Variants in PDCD10 observed in about 807,000 individuals in gnomAD.
PDCD10 encodes the protein programmed cell death 10.
In PDCD10, 4 loss-of-function variants were observed where a neutral mutation model predicts 29.2. The observed-to-expected ratio is 0.14, with a 90% confidence interval of 0.07 to 0.31. The LOEUF is 0.31. Ranked by LOEUF, PDCD10 falls within the 10% of genes least tolerant of loss-of-function variation. The probability of loss-of-function intolerance (pLI) is 1.00; values close to 1 mark genes in which losing one functional copy is unlikely to be tolerated. For synonymous variants in PDCD10, 70 were observed against 82.2 expected (o/e 0.85, Z 0.80); for missense variants, 183 against 257.9 (o/e 0.71, Z 1.99).
chr3:167,687,856 G>T (rs940513596), intron 6 of PDCD10, among the ~76,000 whole-genome samples, 163 bp from the exon 7 acceptor site: 1 of 152,040 alleles, frequency 6.6e-6, no homozygotes, highest in Admixed American at 6.6e-5. Flanking sequence ...CAGCCTTTTC[G>T]GCTAGCTGGT....
chr3:167,721,433 C>A (rs766050542), intron 2 of PDCD10, among the ~76,000 whole-genome samples: 1 of 152,042 alleles, frequency 6.6e-6, no homozygotes, highest in African/African-American at 2.4e-5. Context: ...AGAAAAGTAC[C>A]CAGAATTTAT....
chr3:167,712,408 T>C (rs1722609242), intron 3 of PDCD10, among the ~76,000 whole-genome samples: 1 of 151,976 alleles, frequency 6.6e-6, no homozygotes, highest in Non-Finnish European at 1.5e-5. Context: ...TTTGAAATAA[T>C]AGGTAATAAG....
chr3:167,683,377 C>T lies in PDCD10; in HGVS notation c.*931G>A, dbSNP rs929171986. 4 of 151,850 alleles carry T rather than the reference C, an allele frequency of 2.6e-5. No homozygotes were observed. The highest frequency in any genetic ancestry group is 5.9e-5 in the Non-Finnish European group (4 of 67,874). 9.4% of individuals were successfully genotyped at this position (151,850 alleles called of 1,614,324 possible). Reference sequence around the variant, plus strand: ...CACTTGATACATAATTTCCTTAAAACTTCTCTATGGTGAAATAAAACTGTA... The same window carrying T: ...CACTTGATACATAATTTCCTTAAAATTTCTCTATGGTGAAATAAAACTGTA... On this transcript the variant is annotated 3_prime_UTR_variant, in exon 9 of 9. Transcript: ENST00000392750.
At chr3:167,695,448 A>G (rs1204617516) in intron 6 of PDCD10, 148 bp downstream of exon 6, 8 of 716,528 alleles carry the variant, frequency 1.1e-5, no homozygotes, top group African/African-American at 3.6e-5. Flanking sequence ...CAAACGCCAT[A>G]AAGTTAATAA....
chr3:167,727,933 T>C (rs1161152670), intron 2 of PDCD10, among the ~76,000 whole-genome samples: 1 of 152,208 alleles, frequency 6.6e-6, no homozygotes, highest in African/African-American at 2.4e-5. Flanking sequence ...TTATTTAACA[T>C]TAGGTGCTAA....
At chr3:167,699,068 A>G (rs920029053) in intron 4 of PDCD10, among the ~76,000 whole-genome samples, 3 of 152,150 alleles carry the variant, frequency 2.0e-5, no homozygotes, top group Non-Finnish European at 4.4e-5. Flanking sequence ...GAAAAAAACA[A>G]TTTTTACTCT....
chr3:167,697,871 A>T (rs1020941389), intron 4 of PDCD10: 2 of 454,634 alleles, frequency 4.4e-6, no homozygotes, highest in Non-Finnish European at 8.9e-6. Context: ...GTTAATCTTC[A>T]GATTTCAGTT....
chr3:167,686,769 G>A (rs1440800729), intron 8 of PDCD10, among the ~76,000 whole-genome samples: 3 of 152,156 alleles, frequency 2.0e-5, no homozygotes, highest in African/African-American at 4.8e-5. Context: ...TTTCAGGAGT[G>A]TATAAAGTAG....
intron 3 of PDCD10, among the ~76,000 whole-genome samples, chr3:167,716,827 T>C (rs377421742): frequency 2.0e-5 from 3 of 151,946 alleles, no homozygotes; most frequent in Non-Finnish European, 1.5e-5. Context: ...AGTTGCAAAA[T>C]TGTTTATTTT....
intron 2 of PDCD10, among the ~76,000 whole-genome samples, chr3:167,723,110 A>G (rs1349066341): frequency 1.3e-5 from 2 of 152,256 alleles, no homozygotes; most frequent in African/African-American, 2.4e-5. Flanking sequence ...ACTCAGTTTC[A>G]GTAGCATTTA....
intron 2 of PDCD10, among the ~76,000 whole-genome samples, chr3:167,728,900 G>A (rs1724501546): frequency 6.6e-6 from 1 of 152,180 alleles, no homozygotes; most frequent in Non-Finnish European, 1.5e-5. Flanking sequence ...TAACACTCCA[G>A]GGAGCGTACC....
intron 2 of PDCD10, among the ~76,000 whole-genome samples, chr3:167,733,221 G>A (rs1485158278): frequency 6.6e-6 from 1 of 152,176 alleles, no homozygotes; most frequent in Non-Finnish European, 1.5e-5. Flanking sequence ...TACATGTTAA[G>A]AGTAAGCCAT....
At position 167,684,385 on chromosome 3, in the gene PDCD10, T is replaced by C. The variant is rs1396385443; in HGVS notation, c.562A>G (p.Ile188Val). The part of the protein sequence containing the change: ...LKTYFKDGKA[I>V]NVFVSANRLI... ...CGGTTGGCACTTACGAACACATTTATTGCCCTGTTTAAAAAGAAAAGAATA... is the reference window on the plus strand; with the variant it reads ...CGGTTGGCACTTACGAACACATTTACTGCCCTGTTTAAAAAGAAAAGAATA... The change falls in exon 9 of 9, where the codon ATA (isoleucine) becomes GTA (valine). Residue 188 changes from isoleucine to valine, a missense_variant. Coordinates refer to ENST00000392750, the MANE Select transcript of PDCD10 (RefSeq NM_007217.4). 3 of 1,584,726 alleles carry C rather than the reference T, an allele frequency of 1.9e-6. No homozygotes were observed. The highest frequency in any genetic ancestry group is 2.6e-6 in the Non-Finnish European group (3 of 1,153,810).
Position 167,687,299 on chromosome 3 carries a change from CT to C in PDCD10, c.491del (p.Lys164ArgfsTer5). 1 of 1,586,062 alleles carries C rather than the reference CT, an allele frequency of 6.3e-7. No homozygotes were observed. Among genetic ancestry groups the C allele is most frequent in the Non-Finnish European group, 8.7e-7 (1 of 1,155,136 alleles). On this transcript the variant is annotated frameshift_variant, in exon 8 of 9. Transcript: ENST00000392750. LOFTEE classifies it high-confidence loss of function. ...YQNRRALEHQ[K>X]KEFVKYSKSF... Reference sequence around the variant, plus strand: ...TTTTGGAGTACTTTACAAATTCTTTCTTTTGGTGTTCAAGTGCCTACAGTCA... The same window carrying C: ...TTTTGGAGTACTTTACAAATTCTTTCTTTGGTGTTCAAGTGCCTACAGTCA...
At chr3:167,733,811 C>CCA (rs1559985891) in intron 2 of PDCD10, among the ~76,000 whole-genome samples, 1 of 152,128 alleles carries the variant, frequency 6.6e-6, no homozygotes, top group Non-Finnish European at 1.5e-5. Flanking sequence ...TTCTCCCATC[C>CCA]TATTACCTAC....
chr3:167,699,727 C>T (rs921726192), intron 4 of PDCD10, among the ~76,000 whole-genome samples: 4 of 152,144 alleles, frequency 2.6e-5, no homozygotes, highest in Admixed American at 6.5e-5. Context: ...GACAACCTAT[C>T]GGAACCTCTC....
intron 2 of PDCD10, among the ~76,000 whole-genome samples, chr3:167,729,460 T>C (rs373260026): frequency 2.0e-5 from 3 of 152,174 alleles, no homozygotes; most frequent in Non-Finnish European, 4.4e-5. Context: ...ATGAAAAACA[T>C]GGTCTCTTGA....
At chr3:167,721,303 CCAAGAT>C in intron 2 of PDCD10, among the ~76,000 whole-genome samples, 1 of 152,044 alleles carries the variant, frequency 6.6e-6, no homozygotes, top group Non-Finnish European at 1.5e-5. Context: ...AATAACTTGC[CCAAGAT>C]CACACAGGTA....
intron 2 of PDCD10, among the ~76,000 whole-genome samples, chr3:167,728,099 C>T (rs757322622): frequency 7.9e-5 from 12 of 152,066 alleles, no homozygotes; most frequent in Non-Finnish European, 1.5e-4. Flanking sequence ...CTTCACTTCG[C>T]AAAAGTGTGA....
Sources: allele counts gnomAD v4.1 joint callset (sites outside exome capture counted in the v4.1 genomes callset), GRCh38; gene constraint gnomAD v4.1.1; transcripts MANE v1.5; gene names NCBI Gene and HGNC (gene_info 2026-07-23, HGNC 2026-07-21).